The following PALMD variants were observed in gnomAD, a reference collection of about 807,000 sequenced individuals.
PALMD encodes palmdelphin.
Under a neutral mutation model 56.2 loss-of-function variants are expected in PALMD, and 42 were observed. The ratio of observed to expected loss-of-function variants is 0.75; its 90% CI spans 0.58 to 0.97. The LOEUF (loss-of-function observed/expected upper bound fraction) is 0.97, where lower values mean the gene tolerates loss of function less well. Ranked by LOEUF, PALMD falls within the 50% of genes least tolerant of loss-of-function variation. PALMD has a pLI of 0.00. For synonymous variants in PALMD, 242 were observed against 222.9 expected (o/e 1.09, Z -0.76); for missense variants, 660 against 643.8 (o/e 1.03, Z -0.27).
intron 2 of PALMD, among the ~76,000 whole-genome samples, chr1:99,665,958 G>T (rs1172786949): frequency 6.6e-6 from 1 of 152,138 alleles, no homozygotes; most frequent in Non-Finnish European, 1.5e-5. Context: ...TAACACTGGG[G>T]TAAAGAATCT....
At chr1:99,677,025 G>A (rs1323055559) in intron 3 of PALMD, among the ~76,000 whole-genome samples, 1 of 152,052 alleles carries the variant, frequency 6.6e-6, no homozygotes, top group Non-Finnish European at 1.5e-5. Context: ...GATTATTTTA[G>A]ATGAGTTATG....
At chr1:99,684,088 AT>A (rs1460514081) in intron 3 of PALMD, 2 of 152,174 alleles carry the variant, frequency 1.3e-5, no homozygotes, top group Non-Finnish European at 2.9e-5. Context: ...TCATAAATAA[AT>A]GTGTTTATGT....
At chr1:99,652,775 T>C (rs561461937) in intron 1 of PALMD, among the ~76,000 whole-genome samples, 35 of 151,720 alleles carry the variant, frequency 2.3e-4, no homozygotes, top group African/African-American at 7.7e-4. Flanking sequence ...TTGTTCACTC[T>C]TATTAATACA....
At chr1:99,664,880 T>C (rs1652925511) in intron 2 of PALMD, among the ~76,000 whole-genome samples, 1 of 152,166 alleles carries the variant, frequency 6.6e-6, no homozygotes, top group Non-Finnish European at 1.5e-5. Flanking sequence ...GTGTTCCTCC[T>C]ACATCAGAAT....
chr1:99,658,797 A>T (rs1333649552), intron 1 of PALMD, among the ~76,000 whole-genome samples: 1 of 151,222 alleles, frequency 6.6e-6, no homozygotes, highest in East Asian at 1.9e-4. Flanking sequence ...AATAAAAAAT[A>T]TAGCCAGGTG....
At chr1:99,678,451 G>T (rs916020759) in intron 3 of PALMD, among the ~76,000 whole-genome samples, 1 of 152,072 alleles carries the variant, frequency 6.6e-6, no homozygotes, top group Non-Finnish European at 1.5e-5. Flanking sequence ...AAGCCCTGTT[G>T]TAGGGGTTTA....
intron 3 of PALMD, among the ~76,000 whole-genome samples, chr1:99,680,135 C>A (rs1014262533): frequency 6.6e-6 from 1 of 152,078 alleles, no homozygotes; most frequent in Non-Finnish European, 1.5e-5. Context: ...ATAAATGGAC[C>A]CTTAGCAGCA....
At chr1:99,666,988 T>C (rs1038969414) in intron 2 of PALMD, among the ~76,000 whole-genome samples, 1 of 152,312 alleles carries the variant, frequency 6.6e-6, no homozygotes, top group African/African-American at 2.4e-5. Flanking sequence ...TCAGTAAATT[T>C]TGCGCTTAAG....
At chr1:99,672,489 C>CT (rs1488072288) in intron 3 of PALMD, among the ~76,000 whole-genome samples, 2 of 152,166 alleles carry the variant, frequency 1.3e-5, no homozygotes, top group Non-Finnish European at 2.9e-5. Flanking sequence ...GAAATCTTGT[C>CT]CTAACACTTT....
At chr1:99,652,430 CCT>C (rs1169238371) in intron 1 of PALMD, among the ~76,000 whole-genome samples, 2 of 151,930 alleles carry the variant, frequency 1.3e-5, no homozygotes, top group African/African-American at 4.8e-5. Flanking sequence ...ATGGTGAAAC[CCT>C]GTCTCTACTA....
chr1:99,678,966 T>TAA lies in PALMD; in HGVS notation c.252-7696_252-7695dup, dbSNP rs34330678. On this transcript the variant is annotated intron_variant, in intron 3 of 7. Transcript: ENST00000263174. ...GGCAATACAGGGATACCTTGACTCT[T>TAA]AAAAAAAAAAAAAAATCCTTCTTTA... Among the ~76,000 whole-genome samples, 481 of 140,614 alleles carry TAA rather than the reference T, an allele frequency of 3.4e-3. 5 individuals carry two copies. The highest frequency in any genetic ancestry group is 0.012 in the African/African-American group (454 of 38,114). The allele number at this position is 140,614 out of a possible 152,430, so 92.2% of individuals were successfully genotyped here.
At position 99,689,534 on chromosome 1, in the gene PALMD, A is replaced by G; in HGVS notation, c.1274A>G (p.Asp425Gly). 6.2e-7 allele frequency: 1 copy of G among 1,613,820 alleles called. No homozygotes were observed. The highest frequency in any genetic ancestry group is 8.5e-7 in the Non-Finnish European group (1 of 1,179,838). ...MIFMGYQQAEDSEEDKKFLTG... is the reference protein window; with the variant it reads ...MIFMGYQQAEGSEEDKKFLTG... ...TTCATGGGGTATCAGCAGGCAGAAG[A>G]CAGTGAAGAAGATAAGAAGTTTCTG... The change falls in exon 7 of 8, where the codon GAC becomes GGC. Residue 425 changes from aspartate (D) to glycine (G), a missense_variant. Coordinates refer to ENST00000263174, the MANE Select transcript of PALMD (RefSeq NM_017734.5).
intron 1 of PALMD, among the ~76,000 whole-genome samples, chr1:99,647,418 C>T (rs1191871312): frequency 1.3e-5 from 2 of 152,156 alleles, no homozygotes; most frequent in African/African-American, 2.4e-5. Context: ...CTTAGTTTCA[C>T]CCAGGAAACA....
intron 1 of PALMD, among the ~76,000 whole-genome samples, chr1:99,658,071 C>T (rs1652765825): frequency 6.6e-6 from 1 of 152,188 alleles, no homozygotes; most frequent in South Asian, 2.1e-4. Flanking sequence ...GAGGCCAAGG[C>T]GAGCGGATCA....
At chr1:99,692,971 T>C (rs1174891478) in intron 7 of PALMD, among the ~76,000 whole-genome samples, 5 of 152,242 alleles carry the variant, frequency 3.3e-5, no homozygotes, top group African/African-American at 7.2e-5. Flanking sequence ...TTTAGCTTCA[T>C]TGAAATTAAA....
Position 99,686,951 on chromosome 1 carries a change from G to A in PALMD, c.388G>A (p.Glu130Lys). ...IIRSVKVERE[E>K]RAEESIEDIY... ...ACAGTCTGTGAAAGTGGAAAGAGAA[G>A]AAAGAGCAGAAGGTATGTTTTTGAA... Residue 130 changes from glutamate (E) to lysine (K), a missense_variant, in exon 5 of 8, where the codon GAA becomes AAA. Coordinates refer to ENST00000263174, the MANE Select transcript of PALMD (RefSeq NM_017734.5). The A allele has an allele frequency of 1.3e-6, 2 of 1,580,102 alleles. No homozygotes were observed. The highest frequency in any genetic ancestry group is 4.5e-5 in the East Asian group (2 of 44,572).
At chr1:99,647,348 T>G (rs1652463552) in intron 1 of PALMD, among the ~76,000 whole-genome samples, 1 of 152,232 alleles carries the variant, frequency 6.6e-6, no homozygotes, top group Non-Finnish European at 1.5e-5. Flanking sequence ...TCTTAAAATT[T>G]TCATTGCATA....
chr1:99,652,774 C>T (rs1036253570), intron 1 of PALMD, among the ~76,000 whole-genome samples: 14 of 151,438 alleles, frequency 9.2e-5, no homozygotes, highest in Admixed American at 4.6e-4. Context: ...ATTGTTCACT[C>T]TTATTAATAC....
At chr1:99,651,408 A>G (rs1163439949) in intron 1 of PALMD, among the ~76,000 whole-genome samples, 9 of 152,332 alleles carry the variant, frequency 5.9e-5, no homozygotes, top group African/African-American at 2.2e-4. Flanking sequence ...GATCCCCATG[A>G]ACTTTCTGAA....
Sources: gnomAD v4.1 joint callset for allele counts (sites outside exome capture counted in the v4.1 genomes callset) on GRCh38, gnomAD v4.1.1 for gene constraint, MANE v1.5 for transcripts, NCBI Gene and HGNC (gene_info 2026-07-23, HGNC 2026-07-21) for gene names.